The following PRKG1 variants were observed in gnomAD, a reference collection of about 807,000 sequenced individuals.
The protein encoded by PRKG1 is protein kinase cGMP-dependent 1, also known as cGMP-dependent protein kinase 1.
PRKG1 carries 35 observed loss-of-function variants against 88.1 expected under a neutral mutation model. The ratio of observed to expected loss-of-function variants is 0.40; its 90% CI spans 0.30 to 0.53. The LOEUF is 0.53. Among genes scored for constraint, PRKG1 ranks in the 20% least tolerant of loss-of-function variants. The pLI is 0.59. For synonymous variants in PRKG1, 303 were observed against 292.5 expected, an observed-to-expected ratio of 1.04 and a Z score of -0.37; for missense variants, 540 against 839.8, an observed-to-expected ratio of 0.64 and a Z score of 4.41.
chr10:52,183,901 G>A (rs1007937194), intron 9 of PRKG1, among the ~76,000 whole-genome samples: 1 of 152,206 alleles, frequency 6.6e-6, no homozygotes, highest in Non-Finnish European at 1.5e-5. Context: ...TGATGGCAAT[G>A]GGGGCTGCTA....
chr10:51,578,985 T>G (rs868741430), intron 3 of PRKG1, among the ~76,000 whole-genome samples: 1 of 132,006 alleles, frequency 7.6e-6, no homozygotes, highest in Non-Finnish European at 1.6e-5. Flanking sequence ...TGTTGGTTTT[T>G]TTTTTTTTTT....
At chr10:51,328,834 C>A (rs1222143924) in intron 2 of PRKG1, among the ~76,000 whole-genome samples, 1 of 152,090 alleles carries the variant, frequency 6.6e-6, no homozygotes, top group Non-Finnish European at 1.5e-5. Context: ...TATTCAGGAT[C>A]TTTGCCTATT....
intron 2 of PRKG1, among the ~76,000 whole-genome samples, chr10:51,454,542 C>G (rs1839526267): frequency 2.0e-5 from 3 of 152,106 alleles, no homozygotes; most frequent in Non-Finnish European, 1.5e-5. Flanking sequence ...TAAAGACATA[C>G]CTGAGACTGG....
chr10:51,743,376 T>TGAGTG (rs1245945908), intron 3 of PRKG1, among the ~76,000 whole-genome samples: 1 of 151,782 alleles, frequency 6.6e-6, no homozygotes, highest in African/African-American at 2.4e-5. Flanking sequence ...AACCAAGCTT[T>TGAGTG]GAGTGTCAGT....
chr10:51,299,168 G>T (rs533694364), intron 2 of PRKG1, among the ~76,000 whole-genome samples: 2 of 152,082 alleles, frequency 1.3e-5, no homozygotes, highest in South Asian at 4.2e-4. Context: ...TAAGACTTTA[G>T]CCAGTATCTC....
At chr10:52,258,916 A>G (rs1841368605) in intron 10 of PRKG1, among the ~76,000 whole-genome samples, 1 of 152,032 alleles carries the variant, frequency 6.6e-6, no homozygotes, top group Non-Finnish European at 1.5e-5. Context: ...ATAGGTTGGG[A>G]TTTAAATGAA....
chr10:51,303,556 C>T (rs770533846), intron 2 of PRKG1, among the ~76,000 whole-genome samples: 27 of 151,762 alleles, frequency 1.8e-4, no homozygotes, highest in Non-Finnish European at 2.9e-4. Context: ...TAGAAAACTT[C>T]GCTGGATATT....
chr10:51,892,909 A>C (rs1168414864), intron 4 of PRKG1, among the ~76,000 whole-genome samples: 1 of 152,208 alleles, frequency 6.6e-6, no homozygotes, highest in East Asian at 1.9e-4. Context: ...GCAGCCATTA[A>C]ATATTTAAAA....
intron 1 of PRKG1, among the ~76,000 whole-genome samples, chr10:51,079,679 T>TTGTG (rs56746938): frequency 0.5 from 74,705 of 150,130 alleles, 20,400 homozygotes; most frequent in South Asian, 0.68. Context: ...TAAGGCTCAT[T>TTGTG]TGTGTGTGTG....
At chr10:51,601,219 A>C (rs1838590149) in intron 3 of PRKG1, among the ~76,000 whole-genome samples, 1 of 152,048 alleles carries the variant, frequency 6.6e-6, no homozygotes. Context: ...AATGTTTGGG[A>C]CAGATTAGCT....
At chr10:52,164,140 C>A (rs1287115399) in intron 9 of PRKG1, among the ~76,000 whole-genome samples, 1 of 152,040 alleles carries the variant, frequency 6.6e-6, no homozygotes, top group Non-Finnish European at 1.5e-5. Flanking sequence ...CACCTGAGGT[C>A]AGGAGTTTGA....
At chr10:52,039,882 T>C (rs1384450200) in intron 5 of PRKG1, among the ~76,000 whole-genome samples, 1 of 152,040 alleles carries the variant, frequency 6.6e-6, no homozygotes, top group African/African-American at 2.4e-5. Flanking sequence ...TTCTGAGGAG[T>C]TATATGGCAT....
intron 1 of PRKG1, among the ~76,000 whole-genome samples, chr10:51,124,239 T>A (rs1427035796): frequency 2.6e-5 from 4 of 152,216 alleles, no homozygotes; most frequent in African/African-American, 7.2e-5. Flanking sequence ...TTCTTCATTG[T>A]GTTTTCTTAG....
At chr10:51,965,489 T>C (rs558738900) in intron 5 of PRKG1, among the ~76,000 whole-genome samples, 1 of 152,336 alleles carries the variant, frequency 6.6e-6, no homozygotes, top group Admixed American at 6.5e-5. Flanking sequence ...TTGAACTATC[T>C]TGTTTTCTGG....
chr10:51,748,002 G>A (rs1837624193), intron 3 of PRKG1, among the ~76,000 whole-genome samples: 1 of 152,180 alleles, frequency 6.6e-6, no homozygotes, highest in Admixed American at 6.5e-5. Context: ...GGTCTGTATA[G>A]CAGTAGAGCC....
chr10:51,870,646 A>G (rs1589375537), intron 4 of PRKG1, among the ~76,000 whole-genome samples: 1 of 152,114 alleles, frequency 6.6e-6, no homozygotes, highest in East Asian at 1.9e-4. Flanking sequence ...AATACAATCT[A>G]TAATGCTGTC....
intron 2 of PRKG1, among the ~76,000 whole-genome samples, chr10:51,460,841 C>A (rs1839725644): frequency 6.6e-6 from 1 of 152,112 alleles, no homozygotes; most frequent in Non-Finnish European, 1.5e-5. Flanking sequence ...GACTTTCATT[C>A]TGATGGTTCA....
At chr10:51,133,629 G>A (rs148790321) in intron 1 of PRKG1, among the ~76,000 whole-genome samples, 1,701 of 152,234 alleles carry the variant, frequency 0.011, 19 homozygotes, top group Non-Finnish European at 0.017. Flanking sequence ...ACAAGAGTGT[G>A]GAGAGCTTTG....
At chr10:51,231,853 T>C (rs959021786) in intron 2 of PRKG1, among the ~76,000 whole-genome samples, 4 of 152,210 alleles carry the variant, frequency 2.6e-5, no homozygotes, top group African/African-American at 4.8e-5. Flanking sequence ...TGTAATGACA[T>C]TTATTAGAGA....
Sources: allele counts gnomAD v4.1 joint callset (sites outside exome capture counted in the v4.1 genomes callset), GRCh38; gene constraint gnomAD v4.1.1; transcripts MANE v1.5; gene names NCBI Gene and HGNC (gene_info 2026-07-23, HGNC 2026-07-21).